KIR2DL4: variants seen among roughly 807,000 people sequenced by gnomAD.
The protein encoded by KIR2DL4 is killer cell immunoglobulin-like receptor 2DL4.
Under a neutral mutation model 31.0 loss-of-function variants are expected in KIR2DL4, and 41 were observed. The observed-to-expected ratio is 1.32, with a 90% CI of 1.03 to 1.72. The LOEUF is 1.72. Ranked by LOEUF, KIR2DL4 falls within the 40% of genes most tolerant of loss-of-function variation. KIR2DL4 has a pLI of 0.00. For missense variants in KIR2DL4, 438 were observed against 353.7 expected, an observed-to-expected ratio of 1.24 and a Z score of -1.91; for synonymous variants, 164 against 133.6, an observed-to-expected ratio of 1.23 and a Z score of -1.57.
intron 1 of KIR2DL4, 46 bp downstream of exon 1, chr19:54,803,737 G>A (rs2060319756): frequency 5.0e-6 from 8 of 1,596,148 alleles, no homozygotes; most frequent in Non-Finnish European, 6.9e-6. Flanking sequence ...CTATGGGCCT[G>A]CAGATTGGGT....
chr19:54,805,857 G>T, intron 3 of KIR2DL4, 94 bp from the exon 4 acceptor site: 8 of 1,016,394 alleles, frequency 7.9e-6, no homozygotes, highest in Non-Finnish European at 1.2e-5. Context: ...AGAGCACTAG[G>T]CCATAGAGCA....
chr19:54,810,049 A>G (rs2147946132), intron 5 of KIR2DL4, among the ~76,000 whole-genome samples: 1 of 149,990 alleles, frequency 6.7e-6, no homozygotes, highest in South Asian at 2.1e-4. Context: ...GGGAGGGCAG[A>G]AAATGAATGC....
chr19:54,811,274 T>G (rs1288229518), intron 5 of KIR2DL4, among the ~76,000 whole-genome samples: 1 of 150,888 alleles, frequency 6.6e-6, no homozygotes, highest in Non-Finnish European at 1.5e-5. Flanking sequence ...GGCGCGTGCC[T>G]GTAATACCAG....
chr19:54,804,238 G>T (rs1286283718), intron 2 of KIR2DL4, among the ~76,000 whole-genome samples: 1 of 150,970 alleles, frequency 6.6e-6, no homozygotes, highest in Admixed American at 6.6e-5. Flanking sequence ...GCGGGATACT[G>T]AGGTGCTCAA....
chr19:54,814,167 C>T, exon 8 of KIR2DL4: 3 of 1,576,038 alleles, frequency 1.9e-6, no homozygotes, highest in South Asian at 2.3e-5. Flanking sequence ...AATCTGGTGC[C>T]TGTCTCTTGC....
chr19:54,808,777 T>C (rs1267171827), intron 4 of KIR2DL4, 56 bp from the exon 5 acceptor site: 20 of 1,252,676 alleles, frequency 1.6e-5, no homozygotes, highest in Admixed American at 1.4e-4. Context: ...AAGATTTCCA[T>C]TGAGTAGAAG....
At chr19:54,812,811 T>C (rs1307255742) in intron 5 of KIR2DL4, among the ~76,000 whole-genome samples, 2 of 141,336 alleles carry the variant, frequency 1.4e-5, no homozygotes, top group Non-Finnish European at 3.0e-5. Context: ...AGCATTAATC[T>C]ATTCATGATG....
chr19:54,810,624 C>G (rs2060805879), intron 5 of KIR2DL4, among the ~76,000 whole-genome samples: 2 of 151,452 alleles, frequency 1.3e-5, no homozygotes, highest in Non-Finnish European at 2.9e-5. Flanking sequence ...GGAAGAGGCT[C>G]TGCCTGAAAT....
intron 5 of KIR2DL4, 63 bp downstream of exon 5, chr19:54,808,946 C>A: frequency 1.5e-6 from 2 of 1,311,470 alleles, no homozygotes; most frequent in South Asian, 1.2e-5. Flanking sequence ...GCCTTGGATT[C>A]AAGCGTTGGC....
In KIR2DL4 at chr19:54,805,827, G is replaced by A. The variant is rs1440955454; in HGVS notation, c.362-124G>A. The A allele has an allele frequency of 9.0e-6, 7 of 777,190 alleles. No homozygotes were observed. In the Middle Eastern group the frequency reaches 1.0e-3, roughly 116 times the overall value. 48.1% of individuals were successfully genotyped at this position (777,190 alleles called of 1,614,324 possible). ...GGGATCGACAGGAAGAGTTGGGGGT[G>A]GAGGGTGAGAGAGAGAGAGAGAGCA... On this transcript the variant is annotated intron_variant, in intron 3 of 7. Transcript: ENST00000359085.
At chr19:54,810,373 C>T (rs1391234495) in intron 5 of KIR2DL4, among the ~76,000 whole-genome samples, 2 of 151,144 alleles carry the variant, frequency 1.3e-5, no homozygotes, top group Non-Finnish European at 2.9e-5. Context: ...GGGATCCGCC[C>T]GTCTCAGCCT....
rs1220960143 is a variant in KIR2DL4 at position 54,807,717 on chromosome 19, C to T, written c.656-1116C>T. 4.0e-5 allele frequency among the ~76,000 whole-genome samples: 6 copies of T among 149,376 alleles called. No homozygotes were observed. The East Asian group carries it at 7.8e-4, about 20-fold the overall frequency. ...CCTCCCAAGGTGCTGGGATTACAAG[C>T]GTGAGACACAGTGCCTAATCTCTTT... On this transcript the variant is annotated intron_variant, in intron 4 of 7. Transcript: ENST00000359085.
intron 4 of KIR2DL4, 150 bp downstream of exon 4, chr19:54,806,394 G>C: frequency 2.2e-6 from 2 of 923,018 alleles, no homozygotes; most frequent in Non-Finnish European, 3.3e-6. Context: ...ATGGCAGACA[G>C]GGCACCTCCA....
chr19:54,811,865 C>T (rs2060885292), intron 5 of KIR2DL4, among the ~76,000 whole-genome samples: 1 of 151,232 alleles, frequency 6.6e-6, no homozygotes, highest in Admixed American at 6.6e-5. Flanking sequence ...TTCCCCCAGA[C>T]TCTCGGGTGG....
At position 54,806,274 on chromosome 19, in the gene KIR2DL4, C is replaced by T. The variant is rs2060524942; in HGVS notation, c.655+30C>T. 24 of 1,598,340 alleles carry T rather than the reference C, an allele frequency of 1.5e-5. 1 individual carries two copies. The highest frequency in any genetic ancestry group is 1.1e-4 in the South Asian group (10 of 89,920). ...GGAAAGCCAATGTCTGTCCCATGTC[C>T]TATGGTCCTAGAGCCTTAGCTGAGG... On this transcript the variant is annotated intron_variant, in intron 4 of 7. Transcript: ENST00000359085.
At chr19:54,811,652 C>G (rs1326129867) in intron 5 of KIR2DL4, among the ~76,000 whole-genome samples, 1 of 151,314 alleles carries the variant, frequency 6.6e-6, no homozygotes, top group Non-Finnish European at 1.5e-5. Context: ...AAACTTGCCC[C>G]TTCACCCAAA....
exon 7 of KIR2DL4, chr19:54,813,699 T>C: frequency 6.2e-7 from 1 of 1,612,040 alleles, no homozygotes. Flanking sequence ...GATGCTGCTG[T>C]AATGAACCAA....
Position 54,803,933 on chromosome 19 carries a change from C to T in KIR2DL4, c.76+7C>T, listed in dbSNP as rs1244693740. ...AGTGTGTGGGCACACGTGGGTGAGT[C>T]CTTCCCCAAATGATGGGTTGCCATC... On this transcript the variant is annotated splice_region_variant and intron_variant, in intron 2 of 7. Coordinates refer to ENST00000359085, the Ensembl canonical transcript of KIR2DL4. 2 of 1,608,354 alleles carry T rather than the reference C, an allele frequency of 1.2e-6. No individual in the cohort carries two copies. Among genetic ancestry groups the T allele is most frequent in the Non-Finnish European group, 1.7e-6 (2 of 1,177,772 alleles).
chr19:54,805,432 T>C (rs1296050884), intron 3 of KIR2DL4, among the ~76,000 whole-genome samples: 1 of 150,716 alleles, frequency 6.6e-6, no homozygotes, highest in African/African-American at 2.5e-5. Context: ...GAATGGGGAT[T>C]AGAGCAGCAT....
Sources: gnomAD v4.1 joint callset for allele counts (sites outside exome capture counted in the v4.1 genomes callset) on GRCh38, gnomAD v4.1.1 for gene constraint, MANE v1.5 for transcripts, NCBI Gene and HGNC (gene_info 2026-07-23, HGNC 2026-07-21) for gene names.